RELN: variants seen among roughly 807,000 people sequenced by gnomAD.
The protein encoded by RELN is reelin.
RELN carries 108 observed loss-of-function variants against 427.6 expected under a neutral mutation model. That is an observed-to-expected ratio of 0.25 (90% CI 0.22 to 0.30). The LOEUF is 0.30. RELN is among the 10% of genes least tolerant of loss of function. RELN has a pLI of 1.00. For synonymous variants in RELN, 1,524 were observed against 1,513.4 expected (o/e 1.01, Z -0.16); for missense variants, 3,715 against 4,302.8 (o/e 0.86, Z 3.82).
intron 11 of RELN, among the ~76,000 whole-genome samples, chr7:103,664,996 T>C (rs917050672): frequency 2.5e-4 from 38 of 152,204 alleles, no homozygotes; most frequent in Admixed American, 2.6e-4. Context: ...TGTGCCTTTT[T>C]TATCTGATTC....
chr7:103,643,945 C>G (rs1003561358), intron 16 of RELN, among the ~76,000 whole-genome samples: 3 of 151,842 alleles, frequency 2.0e-5, no homozygotes, highest in Non-Finnish European at 2.9e-5. Flanking sequence ...ATTATTGCCT[C>G]TTCATGCCCA....
In RELN at chr7:103,586,567, T is replaced by A. The variant is rs377556115; in HGVS notation, c.4145+3029A>T. Among the ~76,000 whole-genome samples, 35 of 151,932 alleles carry A rather than the reference T, an allele frequency of 2.3e-4. No homozygotes were observed. In the South Asian group the frequency reaches 7.3e-3, roughly 32 times the overall value. ...AAGCAAGAGAAAGAAATAAAAAGCA[T>A]CCAAATTGAGAAAAAGGAAATCAAA... On this transcript the variant is annotated intron_variant, in intron 28 of 64. Coordinates refer to ENST00000428762, the MANE Select transcript of RELN (RefSeq NM_005045.4).
chr7:103,909,496 A>C (rs1408553103), intron 2 of RELN, among the ~76,000 whole-genome samples: 1 of 148,492 alleles, frequency 6.7e-6, no homozygotes, highest in Non-Finnish European at 1.5e-5. Context: ...TAAATAATTC[A>C]CTCGGGAGGC....
intron 10 of RELN, among the ~76,000 whole-genome samples, chr7:103,695,266 T>C (rs971793521): frequency 1.3e-5 from 2 of 152,166 alleles, no homozygotes; most frequent in East Asian, 3.8e-4. Flanking sequence ...GTCATGTAAA[T>C]GAACTAAAAT....
rs1443063964 is a variant in RELN at position 103,603,160 on chromosome 7, A to G, written c.3333+144T>C. The G allele has an allele frequency of 2.7e-6, 2 of 743,462 alleles. No homozygotes were observed. Among genetic ancestry groups the G allele is most frequent in the Middle Eastern group, 2.3e-4 (1 of 4,400 alleles). The allele number at this position is 743,462 out of a possible 1,614,324, so 46.1% of individuals were successfully genotyped here. The stretch of plus-strand genomic sequence containing the variant: ...AACAAGAATTTCCCAAGACATAGCT[A>G]AGGAATAGGAATTTGATAGAGCCCA... On this transcript the variant is annotated intron_variant, in intron 24 of 64. Coordinates refer to ENST00000428762, the MANE Select transcript of RELN (RefSeq NM_005045.4). This position sits in a 1 kb window ranked among gnomAD's most constrained non-coding sequence, Gnocchi z 4.3.
At chr7:103,771,236 T>C (rs1791561962) in intron 4 of RELN, among the ~76,000 whole-genome samples, 1 of 151,826 alleles carries the variant, frequency 6.6e-6, no homozygotes, top group South Asian at 2.1e-4. Flanking sequence ...AATCACCTTC[T>C]GCTTGTAAAA....
At chr7:103,817,088 G>C (rs1792892359) in intron 3 of RELN, among the ~76,000 whole-genome samples, 1 of 152,086 alleles carries the variant, frequency 6.6e-6, no homozygotes, top group African/African-American at 2.4e-5. Context: ...CTGACCTCAA[G>C]TGATCCGCCC....
chr7:103,855,546 G>A (rs1487449591), intron 2 of RELN, among the ~76,000 whole-genome samples: 1 of 152,162 alleles, frequency 6.6e-6, no homozygotes, highest in Non-Finnish European at 1.5e-5. Flanking sequence ...TAAGAAGAGA[G>A]GCAGAAAGGA....
In RELN at chr7:103,676,707, C is replaced by T. The variant is rs542090326; in HGVS notation, c.1289+5409G>A. 5.3e-3 allele frequency among the ~76,000 whole-genome samples: 810 copies of T among 152,032 alleles called. 14 individuals are homozygous for T. Among genetic ancestry groups the T allele is most frequent in the African/African-American group, 0.019 (786 of 41,364 alleles). ...ATATACACCATGGAATACTATGCAG[C>T]CACAAAAAATGATGAGTTCATGTCC... On this transcript the variant is annotated intron_variant, in intron 11 of 64. Transcript: ENST00000428762.
At position 103,521,970 on chromosome 7, in the gene RELN, TGGAAGGAACTTAAGAA is replaced by T. The variant is rs945472382; in HGVS notation, c.7668+36_7668+51del. ...AAACTTCAGAAGAGAGTCAACTATT[TGGAAGGAACTTAAGAA>T]GAGCAGAAATGAGTAACCAGCAGCC... On this transcript the variant is annotated intron_variant, in intron 48 of 64. Coordinates refer to ENST00000428762, the MANE Select transcript of RELN (RefSeq NM_005045.4). 32 of 1,576,720 alleles carry T rather than the reference TGGAAGGAACTTAAGAA, an allele frequency of 2.0e-5. No individual in the cohort carries two copies. The Admixed American group carries it at 5.2e-4, about 25-fold the overall frequency.
At chr7:103,962,646 T>TTGTTGTGTGTGTG (rs1187382987) in intron 1 of RELN, among the ~76,000 whole-genome samples, 2 of 149,816 alleles carry the variant, frequency 1.3e-5, no homozygotes, top group African/African-American at 4.9e-5. Flanking sequence ...TCCAAAGTTG[T>TTGTTGTGTGTGTG]TGTGTGTGTG....
At chr7:103,584,210 A>G (rs1470766513) in intron 28 of RELN, among the ~76,000 whole-genome samples, 1 of 152,234 alleles carries the variant, frequency 6.6e-6, no homozygotes, top group Non-Finnish European at 1.5e-5. Flanking sequence ...AGAATTTCAC[A>G]TATCAGTATT....
chr7:103,911,965 T>C (rs1484461329), intron 2 of RELN, among the ~76,000 whole-genome samples: 1 of 151,310 alleles, frequency 6.6e-6, no homozygotes, highest in Non-Finnish European at 1.5e-5. Flanking sequence ...GTAACTAACC[T>C]GCACAATGTG....
At chr7:103,686,053 A>G (rs1188053695) in intron 10 of RELN, among the ~76,000 whole-genome samples, 1 of 152,136 alleles carries the variant, frequency 6.6e-6, no homozygotes, top group East Asian at 1.9e-4. Flanking sequence ...ACCTCTTAAT[A>G]TGATCTCCCT....
At chr7:103,972,917 T>C (rs976720099) in intron 1 of RELN, among the ~76,000 whole-genome samples, 1 of 151,928 alleles carries the variant, frequency 6.6e-6, no homozygotes, top group African/African-American at 2.4e-5. Flanking sequence ...TGTGTGTGTG[T>C]GTGCTACAAG....
At chr7:103,662,361 C>T (rs1018376800) in intron 11 of RELN, among the ~76,000 whole-genome samples, 1 of 152,160 alleles carries the variant, frequency 6.6e-6, no homozygotes, top group Non-Finnish European at 1.5e-5. Flanking sequence ...GTGGCTCACA[C>T]ATGTAATCCT....
intron 1 of RELN, among the ~76,000 whole-genome samples, chr7:103,942,141 A>G (rs1039249063): frequency 6.6e-6 from 1 of 152,198 alleles, no homozygotes. Context: ...TCGCATACTT[A>G]TAATTTTGTG....
At chr7:103,600,512 C>A (rs1178744035) in intron 24 of RELN, among the ~76,000 whole-genome samples, 1 of 152,092 alleles carries the variant, frequency 6.6e-6, no homozygotes, top group African/African-American at 2.4e-5. Context: ...TCTTTCAAAT[C>A]GGGTCTACTC....
intron 1 of RELN, among the ~76,000 whole-genome samples, chr7:103,941,416 C>T (rs1796112014): frequency 6.6e-6 from 1 of 152,092 alleles, no homozygotes; most frequent in Non-Finnish European, 1.5e-5. Flanking sequence ...TGGCTTTCTC[C>T]CCATTCAGTC....
Sources: allele counts gnomAD v4.1 joint callset (sites outside exome capture counted in the v4.1 genomes callset), GRCh38; gene constraint gnomAD v4.1.1; non-coding constraint Gnocchi (gnomAD v3.1); transcripts MANE v1.5; gene names NCBI Gene and HGNC (gene_info 2026-07-23, HGNC 2026-07-21).